INPP4B: variants seen among roughly 807,000 people sequenced by gnomAD.
The protein encoded by INPP4B is inositol polyphosphate-4-phosphatase type II B, also known as inositol polyphosphate 4-phosphatase type II.
In INPP4B, 55 loss-of-function variants were observed where a neutral mutation model predicts 122.5. The observed-to-expected ratio is 0.45, with a 90% CI of 0.36 to 0.56. The LOEUF (loss-of-function observed/expected upper bound fraction) is 0.56, where lower values mean the gene tolerates loss of function less well. Among genes scored for constraint, INPP4B ranks in the 20% least tolerant of loss-of-function variants. INPP4B has a pLI of 0.00. For synonymous variants in INPP4B, 403 were observed against 388.7 expected (o/e 1.04, Z -0.43); for missense variants, 1,000 against 1,097.7 (o/e 0.91, Z 1.26).
At chr4:142,659,126 A>T (rs1295365879) in intron 2 of INPP4B, among the ~76,000 whole-genome samples, 1 of 151,998 alleles carries the variant, frequency 6.6e-6, no homozygotes, top group Admixed American at 6.6e-5. Flanking sequence ...TGGGCAGGGC[A>T]CGGAGGTTCA....
intron 2 of INPP4B, among the ~76,000 whole-genome samples, chr4:142,722,658 C>T (rs1245399787): frequency 6.6e-6 from 1 of 152,086 alleles, no homozygotes; most frequent in Non-Finnish European, 1.5e-5. Context: ...AATCACTTCT[C>T]CATAAAAATG....
intron 2 of INPP4B, among the ~76,000 whole-genome samples, chr4:142,504,640 C>T (rs1823780443): frequency 6.6e-6 from 1 of 152,002 alleles, no homozygotes; most frequent in Non-Finnish European, 1.5e-5. Context: ...TGATATACTA[C>T]ACAATAGGAG....
At chr4:142,553,769 T>C (rs561017714) in intron 2 of INPP4B, among the ~76,000 whole-genome samples, 2 of 152,276 alleles carry the variant, frequency 1.3e-5, no homozygotes, top group South Asian at 4.1e-4. Flanking sequence ...AATAAAACAT[T>C]TGCCCTTAAA....
chr4:142,165,775 C>A (rs915658588), intron 16 of INPP4B, among the ~76,000 whole-genome samples: 5 of 151,734 alleles, frequency 3.3e-5, no homozygotes, highest in African/African-American at 1.2e-4. Context: ...CGGTGTTTTT[C>A]AAGCTATGAA....
intron 2 of INPP4B, among the ~76,000 whole-genome samples, chr4:142,692,527 C>T (rs866193073): frequency 4.6e-5 from 7 of 152,026 alleles, no homozygotes; most frequent in Admixed American, 6.6e-5. Flanking sequence ...AAAGCGAGAC[C>T]CCCATCTTTT....
At chr4:142,256,076 A>G (rs1352393661) in intron 11 of INPP4B, among the ~76,000 whole-genome samples, 1 of 150,618 alleles carries the variant, frequency 6.6e-6, no homozygotes, top group Admixed American at 6.6e-5. Flanking sequence ...AACTACATGG[A>G]AACTGAACAA....
chr4:142,336,668 T>C (rs1233807347), intron 7 of INPP4B, among the ~76,000 whole-genome samples: 1 of 152,234 alleles, frequency 6.6e-6, no homozygotes, highest in East Asian at 1.9e-4. Flanking sequence ...GTCCAGATGC[T>C]GGTGCCCAAG....
intron 2 of INPP4B, among the ~76,000 whole-genome samples, chr4:142,540,589 G>C (rs1240170428): frequency 6.6e-6 from 1 of 152,144 alleles, no homozygotes; most frequent in African/African-American, 2.4e-5. Flanking sequence ...CTGCCATCCA[G>C]ATGAAGTCCT....
chr4:142,684,143 T>A (rs1185040493), intron 2 of INPP4B, among the ~76,000 whole-genome samples: 1 of 152,030 alleles, frequency 6.6e-6, no homozygotes, highest in Non-Finnish European at 1.5e-5. Flanking sequence ...ATAATAAAAC[T>A]TTGTTTAGAA....
intron 11 of INPP4B, among the ~76,000 whole-genome samples, chr4:142,253,245 T>G (rs2627834): frequency 0.81 from 123,142 of 152,148 alleles, 50,166 homozygotes; most frequent in East Asian, 0.93. Flanking sequence ...GAATGTGAAG[T>G]CCTAGAACAT....
chr4:142,839,911 G>C (rs780151958), intron 1 of INPP4B, among the ~76,000 whole-genome samples: 2 of 152,180 alleles, frequency 1.3e-5, no homozygotes, highest in Non-Finnish European at 2.9e-5. Context: ...GCCACATCCA[G>C]TGAACATGGC....
At chr4:142,758,008 C>G (rs1770750500) in intron 1 of INPP4B, among the ~76,000 whole-genome samples, 1 of 152,150 alleles carries the variant, frequency 6.6e-6, no homozygotes, top group Non-Finnish European at 1.5e-5. Context: ...CCATAGGCAA[C>G]AGGCAGTGAC....
chr4:142,081,014 A>C (rs1190379345), intron 25 of INPP4B, among the ~76,000 whole-genome samples: 1 of 152,186 alleles, frequency 6.6e-6, no homozygotes, highest in Non-Finnish European at 1.5e-5. Context: ...ATTATGATAG[A>C]GCTCCACGGA....
At chr4:142,260,855 C>T (rs1441441032) in intron 10 of INPP4B, among the ~76,000 whole-genome samples, 1 of 152,126 alleles carries the variant, frequency 6.6e-6, no homozygotes, top group Non-Finnish European at 1.5e-5. Context: ...ATGTTCCTAG[C>T]ACAGTAAATC....
chr4:142,581,247 A>C (rs1734988354), intron 2 of INPP4B, among the ~76,000 whole-genome samples: 1 of 152,050 alleles, frequency 6.6e-6, no homozygotes, highest in African/African-American at 2.4e-5. Flanking sequence ...TTTCTCAAAA[A>C]GCTTTAGAGG....
chr4:142,306,851 G>A (rs1028805780), intron 8 of INPP4B, among the ~76,000 whole-genome samples: 4 of 151,934 alleles, frequency 2.6e-5, no homozygotes, highest in African/African-American at 9.7e-5. Context: ...CTCCAACCCA[G>A]GAGACAGAAT....
intron 2 of INPP4B, among the ~76,000 whole-genome samples, chr4:142,603,437 G>A (rs1740516654): frequency 6.6e-6 from 1 of 151,588 alleles, no homozygotes; most frequent in Non-Finnish European, 1.5e-5. Flanking sequence ...ACTAAAAGCT[G>A]ATTCTTTGAA....
At chr4:142,838,290 T>C (rs1783064671) in intron 1 of INPP4B, among the ~76,000 whole-genome samples, 2 of 152,006 alleles carry the variant, frequency 1.3e-5, no homozygotes, top group Admixed American at 1.3e-4. Context: ...TCTGACTCTT[T>C]GGGCTTTTCT....
intron 18 of INPP4B, among the ~76,000 whole-genome samples, chr4:142,136,070 T>C (rs975309125): frequency 6.6e-6 from 1 of 152,222 alleles, no homozygotes; most frequent in Admixed American, 6.5e-5. Context: ...GTGCTGGGAT[T>C]ACAGGTGTGA....
Sources: allele counts gnomAD v4.1 joint callset (sites outside exome capture counted in the v4.1 genomes callset), GRCh38; gene constraint gnomAD v4.1.1; transcripts MANE v1.5; gene names NCBI Gene and HGNC (gene_info 2026-07-23, HGNC 2026-07-21).